The following MON2 variants were observed in gnomAD, a reference collection of about 807,000 sequenced individuals.
MON2 encodes MON2 regulator of endosome-to-Golgi trafficking, also known as protein MON2 homolog.
Under a neutral mutation model 208.6 loss-of-function variants are expected in MON2, and 84 were observed. The observed-to-expected ratio is 0.40, with a 90% CI of 0.34 to 0.48. MON2 has a LOEUF of 0.48. Ranked by LOEUF, MON2 falls within the 20% of genes least tolerant of loss-of-function variation. The pLI, the probability that MON2 is intolerant of heterozygous loss-of-function variation, is 0.59. For synonymous variants in MON2, 660 were observed against 694.0 expected (o/e 0.95, Z 0.77); for missense variants, 1,611 against 2,015.4 (o/e 0.80, Z 3.84).
rs1355733119 is a variant in MON2 at position 62,532,579 on chromosome 12, T to C, written c.1542T>C (p.Cys514=). The C allele has an allele frequency of 6.2e-7, 1 of 1,614,064 alleles. No individual in the cohort carries two copies. The highest frequency in any genetic ancestry group is 2.2e-5 in the East Asian group (1 of 44,850). The change falls in exon 12 of 35, where the codon TGT becomes TGC. Residue 514 remains cysteine (C), a synonymous_variant. Transcript: ENST00000393630. ...AGCTAGGAGAGCTTGAAACAGAATG[T>C]CAAACCACCACTGAAGAAGGTTCTT... ...EGELGELETE[C]QTTTEEGSSP...
chr12:62,522,136 A>G (rs1215928638), intron 8 of MON2, among the ~76,000 whole-genome samples: 1 of 152,186 alleles, frequency 6.6e-6, no homozygotes, highest in African/African-American at 2.4e-5. Flanking sequence ...GCAGTGAGCC[A>G]AGACTGAGCC....
At chr12:62,571,637 T>C in intron 30 of MON2, 55 bp downstream of exon 30, 1 of 1,389,870 alleles carries the variant, frequency 7.2e-7, no homozygotes, top group Non-Finnish European at 9.9e-7. Flanking sequence ...ATATCTTCAG[T>C]TGCTCTAAAA....
intron 2 of MON2, 124 bp from the exon 3 acceptor site, chr12:62,493,788 TTTG>T (rs2070315322): frequency 1.5e-5 from 9 of 619,452 alleles, no homozygotes; most frequent in Non-Finnish European, 2.3e-5. Context: ...TGATTTTTGT[TTTG>T]GTGTTTATTT....
intron 8 of MON2, among the ~76,000 whole-genome samples, chr12:62,523,187 T>C (rs2072151536): frequency 6.6e-6 from 1 of 152,196 alleles, no homozygotes. Context: ...AGCATGGGTC[T>C]TTCTTTCTCA....
At chr12:62,483,647 C>T (rs1355502158) in intron 1 of MON2, among the ~76,000 whole-genome samples, 1 of 152,086 alleles carries the variant, frequency 6.6e-6, no homozygotes, top group African/African-American at 2.4e-5. Context: ...ACCAGGGAGG[C>T]GGAGGTTGTA....
chr12:62,550,905 CTTTCTTTTTTTTTTTTT>C lies in MON2; in HGVS notation c.2916+1079_2916+1095del, dbSNP rs1207767315. Among the ~76,000 whole-genome samples the C allele has an allele frequency of 5.4e-3, 639 of 118,400 alleles. 8 individuals are homozygous for C. Among genetic ancestry groups the C allele is most frequent in the African/African-American group, 0.02 (606 of 30,902 alleles). 77.7% of individuals were successfully genotyped at this position (118,400 alleles called of 152,430 possible). On this transcript the variant is annotated intron_variant, in intron 23 of 34. Transcript: ENST00000393630. The stretch of plus-strand genomic sequence containing the variant: ...ATAAGCCTGCTGTACTTTCTTCTTT[CTTTCTTTTTTTTTTTTT>C]TTTTTTTTTTTTCTGAGACGGAGTC...
chr12:62,498,026 T>C (rs183738235), intron 4 of MON2, among the ~76,000 whole-genome samples: 35 of 151,370 alleles, frequency 2.3e-4, no homozygotes, highest in Middle Eastern at 3.4e-3. Context: ...CAGTGACTTA[T>C]ATATATGAAT....
chr12:62,513,030 G>A (rs1414215474), intron 8 of MON2, among the ~76,000 whole-genome samples: 1 of 152,226 alleles, frequency 6.6e-6, no homozygotes, highest in Non-Finnish European at 1.5e-5. Context: ...CACAGCACAG[G>A]GACCTTGGGC....
chr12:62,467,321 A>C lies in MON2; in HGVS notation c.111+3A>C. 6.2e-7 allele frequency: 1 copy of C among 1,612,850 alleles called. No individual in the cohort carries two copies. Among genetic ancestry groups the C allele is most frequent in the South Asian group, 1.1e-5 (1 of 91,066 alleles). On this transcript the variant is annotated splice_donor_region_variant and intron_variant, in intron 1 of 34. Transcript: ENST00000393630. ...AGAAATTCCCACCTGTCAAAGAGGT[A>C]AGCTTCAGGTGACGTCAGGAGAAGG...
chr12:62,492,472 C>T (rs1404059658), intron 2 of MON2, among the ~76,000 whole-genome samples: 1 of 148,162 alleles, frequency 6.7e-6, no homozygotes, highest in African/African-American at 2.5e-5. Flanking sequence ...CCCGGGTTCA[C>T]GCCATTCTCC....
chr12:62,500,988 ATG>A (rs2070796912), intron 6 of MON2, 108 bp downstream of exon 6: 1 of 617,250 alleles, frequency 1.6e-6, no homozygotes. Flanking sequence ...TTTTGAAAAT[ATG>A]TCAAAGGTAG....
intron 32 of MON2, among the ~76,000 whole-genome samples, chr12:62,584,304 C>T (rs1565713194): frequency 6.6e-6 from 1 of 152,110 alleles, no homozygotes; most frequent in African/African-American, 2.4e-5. Context: ...TAATATATGA[C>T]ATTTTCGGAG....
intron 9 of MON2, 113 bp from the exon 10 acceptor site, chr12:62,524,971 A>G (rs1288318754): frequency 2.2e-6 from 2 of 914,268 alleles, no homozygotes; most frequent in African/African-American, 3.4e-5. Flanking sequence ...GTAATGAAGA[A>G]TGTTTTAGTA....
chr12:62,524,482 A>C (rs2072232609), intron 8 of MON2, 33 bp from the exon 9 acceptor site: 1 of 1,540,532 alleles, frequency 6.5e-7, no homozygotes, highest in Non-Finnish European at 8.9e-7. Context: ...TCTTTGATTC[A>C]AAGAAATAGT....
At chr12:62,541,374 CAAA>C (rs34466096) in intron 19 of MON2, among the ~76,000 whole-genome samples, 10 of 108,840 alleles carry the variant, frequency 9.2e-5, no homozygotes, top group East Asian at 8.2e-4. Flanking sequence ...AACTCTGTCT[CAAA>C]AAAAAAAAAA....
In MON2 at chr12:62,532,482, G is replaced by A. The variant is rs780343596; in HGVS notation, c.1445G>A (p.Gly482Asp). The change falls in exon 12 of 35, where the codon GGT (glycine) becomes GAT (aspartate). Residue 482 changes from glycine to aspartate, a missense_variant. Coordinates refer to ENST00000393630, the MANE Select transcript of MON2 (RefSeq NM_015026.3). ...GTTGAGCCTCCAACTATACCTGAAGGTTACGCCATGTCTGTGGCATTCCAT... is the reference window on the plus strand; with the variant it reads ...GTTGAGCCTCCAACTATACCTGAAGATTACGCCATGTCTGTGGCATTCCAT... ...DKVEPPTIPE[G>D]YAMSVAFHCL... 9.9e-6 allele frequency: 16 copies of A among 1,613,926 alleles called. No individual in the cohort carries two copies. Among genetic ancestry groups the A allele is most frequent in the African/African-American group, 1.3e-5 (1 of 74,850 alleles).
intron 8 of MON2, among the ~76,000 whole-genome samples, chr12:62,519,752 T>C (rs1193062567): frequency 6.6e-6 from 1 of 152,226 alleles, no homozygotes; most frequent in Non-Finnish European, 1.5e-5. Context: ...ATTATATTAA[T>C]GGCCTTTTTA....
chr12:62,496,166 G>C (rs1038536256), intron 4 of MON2, among the ~76,000 whole-genome samples: 1 of 151,830 alleles, frequency 6.6e-6, no homozygotes, highest in Non-Finnish European at 1.5e-5. Flanking sequence ...ACTGCAAATA[G>C]TTTATTCTTT....
intron 30 of MON2, among the ~76,000 whole-genome samples, chr12:62,573,124 C>T (rs1018405798): frequency 6.6e-5 from 10 of 152,118 alleles, no homozygotes; most frequent in African/African-American, 2.2e-4. Context: ...ATGTATTTTT[C>T]ACTTCTAGAA....
Sources: allele counts gnomAD v4.1 joint callset (sites outside exome capture counted in the v4.1 genomes callset), GRCh38; gene constraint gnomAD v4.1.1; transcripts MANE v1.5; gene names NCBI Gene and HGNC (gene_info 2026-07-23, HGNC 2026-07-21).